Variants in LCLAT1 observed in about 807,000 individuals in gnomAD.
LCLAT1 encodes lysocardiolipin acyltransferase 1.
In LCLAT1, 11 loss-of-function variants were observed where a neutral mutation model predicts 30.7. That is an observed-to-expected ratio of 0.36 (90% CI 0.23 to 0.59). The LOEUF (loss-of-function observed/expected upper bound fraction) is 0.59, where lower values mean the gene tolerates loss of function less well. Among genes scored for constraint, LCLAT1 ranks in the 20% least tolerant of loss-of-function variants. LCLAT1 has a pLI of 0.77. For synonymous variants in LCLAT1, 155 were observed against 151.3 expected (o/e 1.02, Z -0.18); for missense variants, 402 against 458.6 (o/e 0.88, Z 1.13).
chr2:30,468,563 T>A, intron 1 of LCLAT1, among the ~76,000 whole-genome samples: 1 of 152,120 alleles, frequency 6.6e-6, no homozygotes, highest in East Asian at 1.9e-4. Flanking sequence ...TACAAGAAAT[T>A]AAGCATTTTA....
chr2:30,551,588 T>C (rs1664681703), intron 3 of LCLAT1, among the ~76,000 whole-genome samples: 1 of 152,192 alleles, frequency 6.6e-6, no homozygotes, highest in Non-Finnish European at 1.5e-5. Flanking sequence ...AAATTTATTA[T>C]ATAACAGTTT....
At chr2:30,601,906 T>TAA (rs1239008889) in intron 5 of LCLAT1, among the ~76,000 whole-genome samples, 3 of 115,526 alleles carry the variant, frequency 2.6e-5, no homozygotes, top group African/African-American at 8.7e-5. Context: ...GATATATATA[T>TAA]AATGTTAAAC....
At chr2:30,476,424 T>C (rs1188277094) in intron 1 of LCLAT1, 5 of 456,562 alleles carry the variant, frequency 1.1e-5, no homozygotes, top group African/African-American at 1.0e-4. Flanking sequence ...ACTTGAATTA[T>C]CTCCTGATTT....
chr2:30,530,774 C>T (rs532383182), intron 2 of LCLAT1, among the ~76,000 whole-genome samples: 61 of 152,126 alleles, frequency 4.0e-4, no homozygotes, highest in Non-Finnish European at 6.6e-4. Context: ...AAACTCCTGG[C>T]TTCAAGCGAT....
intron 5 of LCLAT1, among the ~76,000 whole-genome samples, chr2:30,622,918 CA>C (rs1252768543): frequency 6.6e-6 from 1 of 152,172 alleles, no homozygotes; most frequent in Non-Finnish European, 1.5e-5. Context: ...CCCAAAAGAT[CA>C]CCTTAGCTCA....
intron 1 of LCLAT1, among the ~76,000 whole-genome samples, chr2:30,462,999 A>G (rs1030616377): frequency 6.6e-6 from 1 of 152,106 alleles, no homozygotes; most frequent in African/African-American, 2.4e-5. Context: ...CTGACCAGCT[A>G]CTTGGGAGTG....
At chr2:30,492,348 G>A (rs773292877) in intron 1 of LCLAT1, among the ~76,000 whole-genome samples, 12 of 152,132 alleles carry the variant, frequency 7.9e-5, no homozygotes, top group South Asian at 2.1e-4. Context: ...GTAGGATGGG[G>A]TTGAATTTCC....
At chr2:30,616,056 T>TATAAGAACTGTGCATGTGTAATTAGAAGC in intron 5 of LCLAT1, among the ~76,000 whole-genome samples, 1 of 152,210 alleles carries the variant, frequency 6.6e-6, no homozygotes, top group Non-Finnish European at 1.5e-5. Flanking sequence ...CAGTTTCATC[T>TATAAGAACTGTGCATGTGTAATTAGAAGC]ATAAGAACTG....
intron 1 of LCLAT1, among the ~76,000 whole-genome samples, chr2:30,520,961 CTACAT>C (rs1307590322): frequency 1.3e-5 from 2 of 152,086 alleles, no homozygotes; most frequent in Non-Finnish European, 1.5e-5. Flanking sequence ...ACCTACTGGG[CTACAT>C]TTTCAGACAG....
chr2:30,502,504 TTAG>T (rs1372470159), intron 1 of LCLAT1, among the ~76,000 whole-genome samples: 1 of 152,166 alleles, frequency 6.6e-6, no homozygotes, highest in Non-Finnish European at 1.5e-5. Context: ...TTTGTACTAA[TTAG>T]TAGTCACCTC....
Position 30,455,307 on chromosome 2 carries a change from A to G in LCLAT1, c.-5+7924A>G, listed in dbSNP as rs576956887. Among the ~76,000 whole-genome samples the G allele has an allele frequency of 5.4e-3, 825 of 152,190 alleles. 4 individuals are homozygous for G. Among genetic ancestry groups the G allele is most frequent in the Non-Finnish European group, 8.4e-3 (570 of 68,014 alleles). On this transcript the variant is annotated intron_variant, in intron 1 of 5. Coordinates refer to ENST00000379509, the MANE Select transcript of LCLAT1 (RefSeq NM_001002257.3). ...CATACATATTTACTTGGAGATGGGG[A>G]GATATTTATACTAGCTTCCTCTGGC...
intron 1 of LCLAT1, among the ~76,000 whole-genome samples, chr2:30,455,001 A>C (rs897916167): frequency 6.6e-6 from 1 of 152,104 alleles, no homozygotes; most frequent in Non-Finnish European, 1.5e-5. Context: ...GTTACTCAAG[A>C]TTGAGTCTTC....
rs1669284211 is a variant in LCLAT1, at chr2:30,641,129, T to C, written c.*510T>C. ...CCATCTCATCCTTAAGATCAGAAAA[T>C]GGAACCCCCTTTGTCGTGAAACCGA... is the stretch of plus-strand genomic sequence containing the variant. On this transcript the variant is annotated 3_prime_UTR_variant, in exon 6 of 6. Transcript: ENST00000379509. 1.3e-5 allele frequency: 2 copies of C among 152,830 alleles called. No individual in the cohort carries two copies. The highest frequency in any genetic ancestry group is 2.9e-5 in the Non-Finnish European group (2 of 68,674). 9.5% of individuals were successfully genotyped at this position (152,830 alleles called of 1,614,324 possible).
Position 30,536,138 on chromosome 2 carries a change from G to C in LCLAT1, c.364+2824G>C, listed in dbSNP as rs1686229915. Among the ~76,000 whole-genome samples the C allele has an allele frequency of 2.0e-5, 3 of 152,146 alleles. No individual in the cohort carries two copies. The South Asian group carries it at 6.2e-4, about 32-fold the overall frequency. On this transcript the variant is annotated intron_variant, in intron 3 of 5. Coordinates refer to ENST00000379509, the MANE Select transcript of LCLAT1 (RefSeq NM_001002257.3). ...AAAGAAAGAATGAAGAAAGCTTACA[G>C]AACATGTGGAACATCATTAAGCGAT...
chr2:30,615,948 G>A (rs181923829), intron 5 of LCLAT1, among the ~76,000 whole-genome samples: 310 of 152,298 alleles, frequency 2.0e-3, no homozygotes, highest in Middle Eastern at 3.4e-3. Flanking sequence ...GTAAGGGATT[G>A]AAATGAGACC....
chr2:30,469,905 T>C (rs1682688809), intron 1 of LCLAT1, among the ~76,000 whole-genome samples: 1 of 152,102 alleles, frequency 6.6e-6, no homozygotes, highest in African/African-American at 2.4e-5. Context: ...AATTTTTGTA[T>C]TTTTTAGTAG....
Position 30,592,542 on chromosome 2 carries a change from T to A in LCLAT1, c.628+24366T>A, listed in dbSNP as rs141222668. 9.5e-3 allele frequency among the ~76,000 whole-genome samples: 1,446 copies of A among 152,338 alleles called. 15 individuals carry two copies. Among genetic ancestry groups the A allele is most frequent in the Non-Finnish European group, 0.017 (1,139 of 68,026 alleles). The stretch of plus-strand genomic sequence containing the variant: ...GTCCTATTAATGTCAGTTTCTCGAT[T>A]GAAAATGAATTATGTTGTTTATAAA... On this transcript the variant is annotated intron_variant, in intron 5 of 5. Transcript: ENST00000379509.
chr2:30,601,875 CTATAGATATATAT>C (rs1345049988), intron 5 of LCLAT1, among the ~76,000 whole-genome samples: 2 of 138,292 alleles, frequency 1.4e-5, no homozygotes, highest in East Asian at 3.9e-4. Context: ...AGATATCTAT[CTATAGATATATAT>C]ATCTATAGAT....
intron 3 of LCLAT1, among the ~76,000 whole-genome samples, chr2:30,554,880 A>C (rs1664844685): frequency 6.6e-6 from 1 of 152,202 alleles, no homozygotes; most frequent in South Asian, 2.1e-4. Context: ...AGAGATCCAG[A>C]AGTTTTAACA....
Sources: gnomAD v4.1 joint callset for allele counts (sites outside exome capture counted in the v4.1 genomes callset) on GRCh38, gnomAD v4.1.1 for gene constraint, MANE v1.5 for transcripts, NCBI Gene and HGNC (gene_info 2026-07-23, HGNC 2026-07-21) for gene names.